Variants in EXT2 observed in about 807,000 individuals in gnomAD.
The protein encoded by EXT2 is exostosin glycosyltransferase 2, also known as exostosin-2.
EXT2 carries 53 observed loss-of-function variants against 81.6 expected under a neutral mutation model. That is an observed-to-expected ratio of 0.65 (90% confidence interval 0.52 to 0.82). The LOEUF (loss-of-function observed/expected upper bound fraction) is 0.82, where lower values mean the gene tolerates loss of function less well. Among genes scored for constraint, EXT2 ranks in the 40% least tolerant of loss-of-function variants. EXT2 has a pLI of 0.00. For synonymous variants in EXT2, 320 were observed against 340.0 expected (o/e 0.94, Z 0.65); for missense variants, 774 against 910.2 (o/e 0.85, Z 1.93).
chr11:44,116,559 G>A (rs560773458), intron 4 of EXT2: 1 of 152,302 alleles, frequency 6.6e-6, no homozygotes, highest in South Asian at 2.1e-4. Context: ...GTAGCTCTAT[G>A]TTTAACTTTT....
At chr11:44,165,158 G>A (rs1316092814) in intron 7 of EXT2, among the ~76,000 whole-genome samples, 2 of 152,146 alleles carry the variant, frequency 1.3e-5, no homozygotes, top group African/African-American at 4.8e-5. Flanking sequence ...GATTACAGGC[G>A]TGAGCCACCG....
At chr11:44,130,496 A>G (rs1184771765) in intron 7 of EXT2, among the ~76,000 whole-genome samples, 1 of 152,246 alleles carries the variant, frequency 6.6e-6, no homozygotes, top group East Asian at 1.9e-4. Context: ...GTAGCTATTG[A>G]CCATGATACT....
chr11:44,119,192 A>T (rs567459104), intron 4 of EXT2, among the ~76,000 whole-genome samples: 2 of 142,734 alleles, frequency 1.4e-5, no homozygotes, highest in East Asian at 2.2e-4. Context: ...ACACACACAC[A>T]CATTTTTGAC....
rs1279984233 is a variant in EXT2 at position 44,251,590 on chromosome 11, G to T, written c.*7303G>T. ...TACTCTGGTTAAATCACTCAGTAAA[G>T]AAATCTTTTCATGCTCACAATCTGA... On this transcript the variant is annotated 3_prime_UTR_variant, in exon 14 of 14. Coordinates refer to ENST00000533608, the MANE Select transcript of EXT2 (RefSeq NM_207122.2). 6.6e-6 allele frequency among the ~76,000 whole-genome samples: 1 copy of T among 152,186 alleles called. No individual in the cohort carries two copies. Among genetic ancestry groups the T allele is most frequent in the Non-Finnish European group, 1.5e-5 (1 of 68,020 alleles).
intron 7 of EXT2, among the ~76,000 whole-genome samples, chr11:44,135,256 C>G (rs1259937746): frequency 6.6e-6 from 1 of 152,148 alleles, no homozygotes; most frequent in Non-Finnish European, 1.5e-5. Context: ...AATTTCAACA[C>G]ATTTGAATTA....
At chr11:44,202,607 A>G (rs1309649705) in intron 9 of EXT2, among the ~76,000 whole-genome samples, 1 of 152,124 alleles carries the variant, frequency 6.6e-6, no homozygotes, top group Non-Finnish European at 1.5e-5. Context: ...TACCACTTTG[A>G]CACTGCTACC....
In EXT2 at chr11:44,245,783, A is replaced by G. The variant is rs1402709467; in HGVS notation, c.*1496A>G. On this transcript the variant is annotated 3_prime_UTR_variant, in exon 14 of 14. Transcript: ENST00000533608. ...GTCAAAGAAAGTTTCAGAAGTAGCAAAGTTGGAAGTGGAAATCATAAGAGT... is the reference window on the plus strand; with the variant it reads ...GTCAAAGAAAGTTTCAGAAGTAGCAGAGTTGGAAGTGGAAATCATAAGAGT... Among the ~76,000 whole-genome samples the G allele has an allele frequency of 6.6e-6, 1 of 152,240 alleles. No homozygotes were observed. Among genetic ancestry groups the G allele is most frequent in the Non-Finnish European group, 1.5e-5 (1 of 68,048 alleles).
chr11:44,228,837 A>C (rs923981342), intron 10 of EXT2, among the ~76,000 whole-genome samples: 4 of 152,142 alleles, frequency 2.6e-5, no homozygotes, highest in Admixed American at 6.5e-5. Context: ...TTGACAACTG[A>C]GCCAATAATA....
At chr11:44,218,077 T>TGTAG (rs1364609473) in intron 10 of EXT2, among the ~76,000 whole-genome samples, 10 of 152,198 alleles carry the variant, frequency 6.6e-5, no homozygotes, top group African/African-American at 2.4e-4. Flanking sequence ...CTGGGCATCT[T>TGTAG]GTAGGTGGTA....
Position 44,244,157 on chromosome 11 carries a change from G to A in EXT2, c.2027G>A (p.Cys676Tyr), listed in dbSNP as rs2135283851. 1 of 1,614,020 alleles carries A rather than the reference G, an allele frequency of 6.2e-7. No individual in the cohort carries two copies. Among genetic ancestry groups the A allele is most frequent in the South Asian group, 1.1e-5 (1 of 91,076 alleles). ...DQTHMVERSECINKFASVFGT... is the reference protein window; with the variant it reads ...DQTHMVERSEYINKFASVFGT... ...CTCTCCAAATCCCACAGGTCAGAGTGCATCAACAAGTTTGCTTCAGTCTTC... is the reference window on the plus strand; with the variant it reads ...CTCTCCAAATCCCACAGGTCAGAGTACATCAACAAGTTTGCTTCAGTCTTC... Residue 676 changes from cysteine (C) to tyrosine (Y), a missense_variant, in exon 14 of 14, where the codon TGC becomes TAC. Physicochemically the swap from Cys to Tyr is radical, Grantham distance 194 (BLOSUM62 -2). Transcript: ENST00000533608.
chr11:44,189,026 G>C (rs751119435), intron 8 of EXT2, among the ~76,000 whole-genome samples: 1 of 152,118 alleles, frequency 6.6e-6, no homozygotes, highest in Non-Finnish European at 1.5e-5. Flanking sequence ...AAAAAGCAAA[G>C]ATCTTAAAAG....
At position 44,206,774 on chromosome 11, in the gene EXT2, AC is replaced by A; in HGVS notation, c.1496-17del. The A allele has an allele frequency of 6.2e-7, 1 of 1,613,702 alleles. No homozygotes were observed. Among genetic ancestry groups the A allele is most frequent in the Non-Finnish European group, 8.5e-7 (1 of 1,179,738 alleles). ...CACAAAAGTTAGGAGAATAGTAAAT[AC>A]CTTTTCTCTTTTTCCAGATTCTCTC... On this transcript the variant is annotated intron_variant, in intron 9 of 13. Coordinates refer to ENST00000533608, the MANE Select transcript of EXT2 (RefSeq NM_207122.2).
chr11:44,102,978 C>A (rs1954007403), intron 1 of EXT2, among the ~76,000 whole-genome samples: 1 of 151,996 alleles, frequency 6.6e-6, no homozygotes, highest in Non-Finnish European at 1.5e-5. Context: ...GAAATATATT[C>A]TTCAGGCTTG....
At chr11:44,144,338 A>C in intron 7 of EXT2, 1 of 1,597,166 alleles carries the variant, frequency 6.3e-7, no homozygotes, top group Non-Finnish European at 8.5e-7. Context: ...TGGGATTCAC[A>C]GGCATGGGTG....
rs562069043 is a variant in EXT2 at position 44,182,803 on chromosome 11, G to A, written c.1305+11061G>A. On this transcript the variant is annotated intron_variant, in intron 8 of 13. Transcript: ENST00000533608. ...TTGGTGCAATATTATTATTTAATCT[G>A]TAGATCTTATTTCGATTTCATCAGT... Among the ~76,000 whole-genome samples the A allele has an allele frequency of 8.5e-5, 13 of 152,244 alleles. No individual in the cohort carries two copies. The East Asian group carries it at 2.3e-3, about 27-fold the overall frequency.
chr11:44,166,409 A>C (rs1954994518), intron 7 of EXT2, among the ~76,000 whole-genome samples: 1 of 152,248 alleles, frequency 6.6e-6, no homozygotes, highest in South Asian at 2.1e-4. Flanking sequence ...AAGAAGCAGT[A>C]GCAGGGAGGC....
At chr11:44,146,553 G>C (rs546886481) in intron 7 of EXT2, among the ~76,000 whole-genome samples, 1 of 152,154 alleles carries the variant, frequency 6.6e-6, no homozygotes, top group Non-Finnish European at 1.5e-5. Flanking sequence ...ACCTCATTCC[G>C]TTGCAAGTTG....
intron 10 of EXT2, among the ~76,000 whole-genome samples, chr11:44,222,052 C>T (rs1209166626): frequency 6.6e-6 from 1 of 152,152 alleles, no homozygotes; most frequent in African/African-American, 2.4e-5. Flanking sequence ...TTTCTTGGTG[C>T]ATGAAAATTG....
chr11:44,109,727 G>A (rs1020189903), intron 3 of EXT2, among the ~76,000 whole-genome samples: 1 of 152,134 alleles, frequency 6.6e-6, no homozygotes. Context: ...CAATCAGTAG[G>A]GTTCTTTCTG....
Sources: allele counts gnomAD v4.1 joint callset (sites outside exome capture counted in the v4.1 genomes callset), GRCh38; gene constraint gnomAD v4.1.1; transcripts MANE v1.5; gene names NCBI Gene and HGNC (gene_info 2026-07-23, HGNC 2026-07-21).